LATS1: variants seen among roughly 807,000 people sequenced by gnomAD.
LATS1 encodes large tumor suppressor kinase 1.
A neutral mutation model predicts 106.6 loss-of-function variants in LATS1; 25 were observed. The ratio of observed to expected loss-of-function variants is 0.23; its 90% CI spans 0.17 to 0.33. The LOEUF (loss-of-function observed/expected upper bound fraction) is 0.33, where lower values mean the gene tolerates loss of function less well. Among genes scored for constraint, LATS1 ranks in the 10% least tolerant of loss-of-function variants. The pLI is 1.00. For missense variants in LATS1, 1,040 were observed against 1,382.6 expected (o/e 0.75, Z 3.93); for synonymous variants, 465 against 455.6 (o/e 1.02, Z -0.26).
At chr6:149,673,678 CTT>C (rs146560879) in intron 7 of LATS1, among the ~76,000 whole-genome samples, 19 of 142,798 alleles carry the variant, frequency 1.3e-4, no homozygotes, top group Admixed American at 2.8e-4. Flanking sequence ...CTTTTTTTTC[CTT>C]TTTTTTTTTT....
In LATS1 at chr6:149,683,077, A is replaced by G; in HGVS notation, c.2010+2T>C. 6.2e-7 allele frequency: 1 copy of G among 1,607,840 alleles called. No homozygotes were observed. The highest frequency in any genetic ancestry group is 1.3e-5 in the African/African-American group (1 of 74,844). Reference sequence around the variant, plus strand: ...AAAAATGGACATTTTAAAAGGTTTTACCCGCATCATTTCATTCTCTAATTG... The same window carrying G: ...AAAAATGGACATTTTAAAAGGTTTTGCCCGCATCATTTCATTCTCTAATTG... On this transcript the variant is annotated splice_donor_variant, in intron 4 of 7. Coordinates refer to ENST00000543571, the MANE Select transcript of LATS1 (RefSeq NM_004690.4). LOFTEE classifies it high-confidence loss of function.
At chr6:149,663,388 G>C (rs1046169723) in intron 7 of LATS1, among the ~76,000 whole-genome samples, 1 of 152,052 alleles carries the variant, frequency 6.6e-6, no homozygotes, top group Non-Finnish European at 1.5e-5. Context: ...GTGGGAGGAT[G>C]ACCTGAGCCC....
rs1781736900 is a variant in LATS1, at chr6:149,676,642, T to A, written c.2689A>T (p.Arg897Ter). 1 of 1,614,148 alleles carries A rather than the reference T, an allele frequency of 6.2e-7. No homozygotes were observed. ...CGDRLKPLER[R>*]AARQHQRCLA... ...CATCGCTGGTGCTGGCGTGCAGCTC[T>A]CCGCTCTAATGGCTTCAGTCTGTCT... Residue 897 changes from arginine (R) to a stop codon, truncating the protein, a stop_gained, in exon 6 of 8, where the codon AGA becomes TGA. Transcript: ENST00000543571. LOFTEE classifies it high-confidence loss of function.
intron 1 of LATS1, among the ~76,000 whole-genome samples, chr6:149,711,786 C>T (rs991672149): frequency 6.6e-6 from 1 of 152,184 alleles, no homozygotes; most frequent in Non-Finnish European, 1.5e-5. Flanking sequence ...ATCTCCCCTA[C>T]CTCCAGGCCC....
intron 3 of LATS1, among the ~76,000 whole-genome samples, chr6:149,689,326 A>T (rs1272355380): frequency 3.3e-5 from 5 of 151,958 alleles, no homozygotes; most frequent in Non-Finnish European, 7.4e-5. Context: ...AATTTGGAAG[A>T]ATAAGAAGCC....
chr6:149,703,644 G>A (rs1324153952), intron 1 of LATS1, among the ~76,000 whole-genome samples: 3 of 152,096 alleles, frequency 2.0e-5, no homozygotes, highest in Non-Finnish European at 4.4e-5. Context: ...AGGGAGGACT[G>A]CTTGAGCTCA....
rs202033398 is a variant in LATS1, at chr6:149,684,595, A to G, written c.497-3T>C. The stretch of plus-strand genomic sequence containing the variant: ...GTTAACTGATTGCTGCACATTCCCT[A>G]TGGTTATAAGAGAGATAAAGAGAAA... On this transcript the variant is annotated splice_polypyrimidine_tract_variant and splice_region_variant and intron_variant, in intron 3 of 7. Transcript: ENST00000543571. 96 of 1,576,972 alleles carry G rather than the reference A, an allele frequency of 6.1e-5. No individual in the cohort carries two copies. Among genetic ancestry groups the G allele is most frequent in the African/African-American group, 1.4e-5 (1 of 73,564 alleles).
chr6:149,679,360 T>C (rs1781906262), intron 5 of LATS1, among the ~76,000 whole-genome samples: 1 of 152,036 alleles, frequency 6.6e-6, no homozygotes, highest in Non-Finnish European at 1.5e-5. Flanking sequence ...GAGATCAGCC[T>C]GGCCAACATG....
chr6:149,713,808 T>A (rs1784238655), intron 1 of LATS1, among the ~76,000 whole-genome samples: 1 of 151,852 alleles, frequency 6.6e-6, no homozygotes, highest in Admixed American at 6.6e-5. Context: ...TACAGGCATG[T>A]GCCACCATGT....
intron 7 of LATS1, chr6:149,676,035 T>C: frequency 2.1e-6 from 1 of 476,886 alleles, no homozygotes; most frequent in Non-Finnish European, 3.8e-6. Flanking sequence ...TATTTGTTTG[T>C]AGAGATGTGG....
At chr6:149,664,990 A>C (rs922861518) in intron 7 of LATS1, among the ~76,000 whole-genome samples, 3 of 152,218 alleles carry the variant, frequency 2.0e-5, no homozygotes, top group African/African-American at 2.4e-5. Context: ...TCCTGGTAGC[A>C]ACGGAGGTGG....
At chr6:149,700,429 C>T (rs746938105) in intron 2 of LATS1, among the ~76,000 whole-genome samples, 7 of 152,084 alleles carry the variant, frequency 4.6e-5, no homozygotes, top group Non-Finnish European at 1.0e-4. Flanking sequence ...GCTGAGATCG[C>T]ACCACTGCAC....
At chr6:149,692,306 C>G (rs1782806286) in intron 3 of LATS1, among the ~76,000 whole-genome samples, 1 of 152,178 alleles carries the variant, frequency 6.6e-6, no homozygotes, top group Admixed American at 6.5e-5. Flanking sequence ...TCTGCCAAAG[C>G]AGCCATGCAA....
chr6:149,688,571 G>T (rs2114858994), intron 3 of LATS1, among the ~76,000 whole-genome samples: 1 of 152,050 alleles, frequency 6.6e-6, no homozygotes, highest in African/African-American at 2.4e-5. Context: ...GCCTCCCAAA[G>T]TGCTGGGATT....
Position 149,684,222 on chromosome 6 carries a change from A to T in LATS1, c.867T>A (p.Ser289=), listed in dbSNP as rs1459064565. Residue 289 remains serine (S), a synonymous_variant, in exon 4 of 8, where the codon TCT becomes TCA. Coordinates refer to ENST00000543571, the MANE Select transcript of LATS1 (RefSeq NM_004690.4). ...CTTGCCATGCCCCAGGTGGGACAGG[A>T]GAGATTCGGGAGATTACGTATTCCA... is the stretch of plus-strand genomic sequence containing the variant. ...GNMEYVISRI[S]PVPPGAWQEG... is the part of the protein sequence containing the mutation. 9.9e-6 allele frequency: 16 copies of T among 1,613,978 alleles called. No homozygotes were observed. Among genetic ancestry groups the T allele is most frequent in the South Asian group, 2.2e-5 (2 of 91,078 alleles).
At chr6:149,677,669 G>A (rs193135798) in intron 5 of LATS1, among the ~76,000 whole-genome samples, 242 of 152,290 alleles carry the variant, frequency 1.6e-3, no homozygotes, top group Middle Eastern at 3.4e-3. Context: ...TCTGGAGAGA[G>A]AGATTTGGAA....
Position 149,683,396 on chromosome 6 carries a change from G to A in LATS1, c.1693C>T (p.His565Tyr), listed in dbSNP as rs1465047103. 1.9e-6 allele frequency: 3 copies of A among 1,614,156 alleles called. No individual in the cohort carries two copies. Among genetic ancestry groups the A allele is most frequent in the Non-Finnish European group, 2.5e-6 (3 of 1,180,020 alleles). ...TATGGAGGAACAGATGGGTTTTGGT[G>A]CAGCAGATGTTTTGGGTAGGGTGGT... The part of the protein sequence containing the change: ...PPPPYPKHLL[H>Y]QNPSVPPYES... The change falls in exon 4 of 8, where the codon CAC becomes TAC. Residue 565 changes from histidine to tyrosine, a missense_variant. This residue lies in a region of LATS1 where 624 missense variants were observed against 714.8 expected (regional missense o/e 0.87). Transcript: ENST00000543571.
intron 2 of LATS1, among the ~76,000 whole-genome samples, chr6:149,696,287 G>A (rs1407790713): frequency 6.7e-6 from 1 of 150,152 alleles, no homozygotes; most frequent in East Asian, 2.0e-4. Flanking sequence ...AACTCTTTTG[G>A]GCTGAGTGCG....
chr6:149,714,108 A>T (rs1291038969), intron 1 of LATS1, among the ~76,000 whole-genome samples: 1 of 151,532 alleles, frequency 6.6e-6, no homozygotes, highest in Non-Finnish European at 1.5e-5. Flanking sequence ...AGTAGCTGGG[A>T]CTACAGGTAC....
Sources: gnomAD v4.1 joint callset for allele counts (sites outside exome capture counted in the v4.1 genomes callset) on GRCh38, gnomAD v4.1.1 for gene constraint, gnomAD v4.1.1 regional missense constraint, MANE v1.5 for transcripts, NCBI Gene and HGNC (gene_info 2026-07-23, HGNC 2026-07-21) for gene names.